MLIP: variants seen among roughly 807,000 people sequenced by gnomAD.
The protein encoded by MLIP is muscular LMNA interacting protein.
A neutral mutation model predicts 84.8 loss-of-function variants in MLIP; 79 were observed. That is an observed-to-expected ratio of 0.93 (90% confidence interval 0.78 to 1.12). The LOEUF (loss-of-function observed/expected upper bound fraction) is 1.12, where lower values mean the gene tolerates loss of function less well. Among genes scored for constraint, MLIP ranks in the 50% most tolerant of loss-of-function variants. The pLI is 0.00. For missense variants in MLIP, 1,257 were observed against 1,160.6 expected (o/e 1.08, Z -1.21); for synonymous variants, 504 against 463.0 (o/e 1.09, Z -1.14).
intron 5 of MLIP, among the ~76,000 whole-genome samples, chr6:54,153,965 G>A (rs115406672): frequency 0.012 from 1,879 of 152,024 alleles, 45 homozygotes; most frequent in African/African-American, 0.041. Context: ...TAGTGCAAGA[G>A]GCAAATGTGT....
In MLIP at chr6:54,207,016, G is replaced by A. The variant is rs140560489; in HGVS notation, c.2718+4783G>A. 9.8e-3 allele frequency among the ~76,000 whole-genome samples: 1,497 copies of A among 152,264 alleles called. 24 individuals carry two copies. The highest frequency in any genetic ancestry group is 0.033 in the African/African-American group (1,362 of 41,554). ...AATGTTTAAATGAACCTTTTTAGGT[G>A]TAGAAATGAATTAGTGGTTTGCTAG... On this transcript the variant is annotated intron_variant, in intron 11 of 13. Transcript: ENST00000502396.
At chr6:54,042,846 C>T (rs1314288809) in intron 1 of MLIP, among the ~76,000 whole-genome samples, 1 of 152,164 alleles carries the variant, frequency 6.6e-6, no homozygotes, top group Admixed American at 6.5e-5. Context: ...ATGTAGGAAT[C>T]TATTCATTAC....
At chr6:54,213,736 A>AAC (rs1779652253) in intron 11 of MLIP, among the ~76,000 whole-genome samples, 6 of 144,846 alleles carry the variant, frequency 4.1e-5, no homozygotes, top group African/African-American at 1.6e-4. Context: ...AAAAAAAAAA[A>AAC]CAACAAACAG....
intron 3 of MLIP, among the ~76,000 whole-genome samples, chr6:54,134,748 A>G (rs1331986846): frequency 6.6e-6 from 1 of 152,056 alleles, no homozygotes; most frequent in Non-Finnish European, 1.5e-5. Flanking sequence ...ATAATCAATC[A>G]GGGTAAATAA....
upstream of MLIP, chr6:54,111,331 G>A: frequency 7.4e-7 from 1 of 1,347,874 alleles, no homozygotes; most frequent in Middle Eastern, 2.7e-4. Flanking sequence ...ACTCTTCGGA[G>A]CTGACACAAT....
intron 12 of MLIP, among the ~76,000 whole-genome samples, chr6:54,236,938 T>G (rs2150823003): frequency 6.6e-6 from 1 of 152,242 alleles, no homozygotes; most frequent in Middle Eastern, 3.4e-3. Flanking sequence ...AACCAGAGAC[T>G]TGCAATAACC....
chr6:54,215,467 C>T (rs1779793356), intron 11 of MLIP: 2 of 1,102,066 alleles, frequency 1.8e-6, no homozygotes, highest in Middle Eastern at 7.0e-4. Context: ...GTGCTTTCAT[C>T]TTTATTGCAG....
chr6:54,105,738 T>C (rs1768964191), intron 1 of MLIP, among the ~76,000 whole-genome samples: 1 of 152,110 alleles, frequency 6.6e-6, no homozygotes, highest in African/African-American at 2.4e-5. Flanking sequence ...TAATGTGATA[T>C]TTGGGCAGAG....
chr6:54,022,082 C>A (rs1489150877), intron 1 of MLIP, among the ~76,000 whole-genome samples: 1 of 152,148 alleles, frequency 6.6e-6, no homozygotes, highest in African/African-American at 2.4e-5. Context: ...TTGAATGGAT[C>A]TTTTGTTTTT....
intron 8 of MLIP, among the ~76,000 whole-genome samples, chr6:54,168,585 T>C (rs1775433300): frequency 3.3e-5 from 5 of 151,806 alleles, no homozygotes; most frequent in Non-Finnish European, 7.4e-5. Flanking sequence ...GTCCCAGGGG[T>C]GTAGAACAGT....
At chr6:54,146,860 T>C (rs148553911) in intron 4 of MLIP, among the ~76,000 whole-genome samples, 1 of 152,186 alleles carries the variant, frequency 6.6e-6, no homozygotes, top group African/African-American at 2.4e-5. Flanking sequence ...TTTGTAGATA[T>C]GTGCATAGTT....
At chr6:54,041,495 C>A (rs566179690) in intron 1 of MLIP, among the ~76,000 whole-genome samples, 3 of 152,018 alleles carry the variant, frequency 2.0e-5, no homozygotes, top group Non-Finnish European at 4.4e-5. Flanking sequence ...CAGAAAACTG[C>A]CAAACTGTTT....
intron 3 of MLIP, among the ~76,000 whole-genome samples, chr6:54,129,079 G>A (rs1331633184): frequency 3.3e-5 from 5 of 152,022 alleles, no homozygotes; most frequent in Admixed American, 2.6e-4. Context: ...AATAATGCAG[G>A]TCCTGACATG....
At chr6:54,146,038 A>T (rs752897335) in intron 4 of MLIP, among the ~76,000 whole-genome samples, 29 of 152,182 alleles carry the variant, frequency 1.9e-4, no homozygotes, top group Non-Finnish European at 3.7e-4. Flanking sequence ...ATCTAATCAG[A>T]TAAAACTTGA....
At chr6:54,068,024 CTTCCTTCCTTTTTTCT>C (rs747898168) in intron 1 of MLIP, among the ~76,000 whole-genome samples, 6,577 of 80,190 alleles carry the variant, frequency 0.082, 2,313 homozygotes, top group Admixed American at 0.23. Flanking sequence ...TCCTTCCTTC[CTTCCTTCCTTTTTTCT>C]TTCCTTCCTT....
At chr6:54,073,351 A>C (rs1766599994) in intron 1 of MLIP, among the ~76,000 whole-genome samples, 1 of 152,224 alleles carries the variant, frequency 6.6e-6, no homozygotes, top group South Asian at 2.1e-4. Flanking sequence ...TACACATTGA[A>C]TTGGCTTTGT....
intron 7 of MLIP, 58 bp from the exon 8 acceptor site, chr6:54,160,682 A>G: frequency 6.7e-7 from 1 of 1,503,136 alleles, no homozygotes; most frequent in Non-Finnish European, 9.2e-7. Flanking sequence ...GATGCCTCAC[A>G]GGCTTGTCCT....
At chr6:54,229,149 G>C (rs1780804380) in intron 11 of MLIP, among the ~76,000 whole-genome samples, 1 of 152,100 alleles carries the variant, frequency 6.6e-6, no homozygotes, top group African/African-American at 2.4e-5. Flanking sequence ...TAGGTGAATT[G>C]ATTTTTTTGG....
At chr6:54,117,581 G>A (rs2150421748) in intron 1 of MLIP, among the ~76,000 whole-genome samples, 1 of 152,064 alleles carries the variant, frequency 6.6e-6, no homozygotes, top group Admixed American at 6.5e-5. Flanking sequence ...AAAAGAAAGA[G>A]ATAAAAGGCA....
Sources: allele counts gnomAD v4.1 joint callset (sites outside exome capture counted in the v4.1 genomes callset), GRCh38; gene constraint gnomAD v4.1.1; transcripts MANE v1.5; gene names NCBI Gene and HGNC (gene_info 2026-07-23, HGNC 2026-07-21).